The following ZNF680 variants were observed in gnomAD, a reference collection of about 807,000 sequenced individuals.
ZNF680 encodes zinc finger protein 680.
In ZNF680, 6 loss-of-function variants were observed where a neutral mutation model predicts 12.1. That is an observed-to-expected ratio of 0.49 (90% CI 0.27 to 0.98). ZNF680 has a LOEUF of 0.98. ZNF680 is among the 50% of genes least tolerant of loss of function. ZNF680 has a pLI of 0.12. For missense variants in ZNF680, 561 were observed against 616.3 expected (o/e 0.91, Z 0.95); for synonymous variants, 170 against 199.3 (o/e 0.85, Z 1.24).
chr7:64,545,981 T>G (rs969117155), intron 1 of ZNF680, among the ~76,000 whole-genome samples: 3 of 152,194 alleles, frequency 2.0e-5, no homozygotes. Context: ...GAATTCTGCA[T>G]GGCACATAAG....
chr7:64,557,571 A>C (rs146196330), intron 1 of ZNF680, among the ~76,000 whole-genome samples: 5 of 10,402 alleles, frequency 4.8e-4, no homozygotes, highest in African/African-American at 3.5e-3. Flanking sequence ...ACAAAAAAAC[A>C]AAAAAAAACA....
In ZNF680 at chr7:64,521,805, T is replaced by C. The variant is rs747042963; in HGVS notation, c.949A>G (p.Thr317Ala). Reference protein sequence around the residue: ...ATLTNHKRIHTGEKPFKCEEC... With the variant: ...ATLTNHKRIHAGEKPFKCEEC... ...TCACATTTGAAGGGTTTCTCTCCAG[T>C]ATGAATTCTCTTATGGTTAGTAAGG... The change falls in exon 4 of 4, where the codon ACT becomes GCT. Residue 317 changes from threonine (T) to alanine (A), a missense_variant. Thr to Ala is a moderately conservative substitution (Grantham distance 58). Coordinates refer to ENST00000309683, the MANE Select transcript of ZNF680 (RefSeq NM_178558.5). 1 of 1,613,420 alleles carries C rather than the reference T, an allele frequency of 6.2e-7. No homozygotes were observed. Among genetic ancestry groups the C allele is most frequent in the South Asian group, 1.1e-5 (1 of 91,054 alleles).
chr7:64,533,198 T>A (rs1158260642), intron 3 of ZNF680, among the ~76,000 whole-genome samples: 4 of 152,130 alleles, frequency 2.6e-5, no homozygotes, highest in Non-Finnish European at 2.9e-5. Context: ...ATAAAGGGCA[T>A]CCAAATCAGT....
At chr7:64,549,131 A>G (rs982324191) in intron 1 of ZNF680, among the ~76,000 whole-genome samples, 13 of 152,044 alleles carry the variant, frequency 8.6e-5, no homozygotes, top group South Asian at 2.1e-4. Context: ...AAAAAAGAAA[A>G]AAAAAAAAAA....
the ZNF680 span, among the ~76,000 whole-genome samples, chr7:64,504,657 A>G: frequency 6.6e-6 from 1 of 152,218 alleles, no homozygotes; most frequent in Non-Finnish European, 1.5e-5. Context: ...CCCAGTATTC[A>G]CCCTGAGTCA....
intron 3 of ZNF680, among the ~76,000 whole-genome samples, chr7:64,538,477 T>C (rs994445138): frequency 6.6e-6 from 1 of 151,430 alleles, no homozygotes; most frequent in Non-Finnish European, 1.5e-5. Context: ...TTTCATCAAA[T>C]TGATACAAAT....
At chr7:64,525,556 T>C (rs990801643) in intron 3 of ZNF680, 3 of 189,826 alleles carry the variant, frequency 1.6e-5, no homozygotes, top group African/African-American at 2.4e-5. Context: ...AAATTCATAG[T>C]TTTTTAATGG....
intron 3 of ZNF680, among the ~76,000 whole-genome samples, chr7:64,538,000 A>C (rs544462433): frequency 1.3e-5 from 2 of 152,290 alleles, no homozygotes; most frequent in South Asian, 4.1e-4. Flanking sequence ...TGTATGATCA[A>C]ATGATCTTTC....
the ZNF680 span, chr7:64,501,467 A>G: frequency 1.1e-6 from 1 of 890,268 alleles, no homozygotes; most frequent in South Asian, 1.3e-5. Flanking sequence ...AACCTGGAAA[A>G]ATTTAAAAGG....
chr7:64,505,560 T>C, the ZNF680 span, among the ~76,000 whole-genome samples: 1 of 152,170 alleles, frequency 6.6e-6, no homozygotes, highest in Non-Finnish European at 1.5e-5. Flanking sequence ...GATTTAATTA[T>C]AGTAAGAATG....
At chr7:64,559,474 GT>G (rs11299637) in intron 1 of ZNF680, among the ~76,000 whole-genome samples, 33,776 of 146,184 alleles carry the variant, frequency 0.23, 3,928 homozygotes, top group South Asian at 0.29. Flanking sequence ...GTTTGTTTAG[GT>G]TTTTTTTTTT....
chr7:64,524,218 G>A (rs1791710001), intron 3 of ZNF680, among the ~76,000 whole-genome samples: 1 of 149,778 alleles, frequency 6.7e-6, no homozygotes, highest in African/African-American at 2.5e-5. Flanking sequence ...TGAGATGTCA[G>A]CTCACTGCAA....
At chr7:64,506,759 T>A in the ZNF680 span, among the ~76,000 whole-genome samples, 1 of 152,236 alleles carries the variant, frequency 6.6e-6, no homozygotes, top group East Asian at 1.9e-4. Context: ...TCAAGAGTGT[T>A]ACCTCTGTGC....
chr7:64,512,813 T>TA, the ZNF680 span, among the ~76,000 whole-genome samples: 1 of 152,232 alleles, frequency 6.6e-6, no homozygotes, highest in East Asian at 1.9e-4. Context: ...AATGTCTATT[T>TA]AAAAAAGCTC....
At chr7:64,501,039 C>A in the ZNF680 span, 2 of 724,886 alleles carry the variant, frequency 2.8e-6, no homozygotes, top group African/African-American at 1.7e-5. Flanking sequence ...GAGAGAAGGG[C>A]AGAATAATTG....
intron 3 of ZNF680, among the ~76,000 whole-genome samples, chr7:64,537,364 C>T (rs2116456818): frequency 6.6e-6 from 1 of 152,162 alleles, no homozygotes; most frequent in Middle Eastern, 3.4e-3. Context: ...TACTCTTTGA[C>T]ATAGTTTTGC....
At chr7:64,510,080 C>A in the ZNF680 span, among the ~76,000 whole-genome samples, 1 of 141,200 alleles carries the variant, frequency 7.1e-6, no homozygotes, top group East Asian at 2.2e-4. Context: ...AGCCATCTTA[C>A]AAATTGGAGA....
At position 64,563,031 on chromosome 7, in the gene ZNF680, C is replaced by A. The variant is rs541233331; in HGVS notation, c.-77G>T. 3 of 1,557,394 alleles carry A rather than the reference C, an allele frequency of 1.9e-6. No individual in the cohort carries two copies. The highest frequency in any genetic ancestry group is 2.2e-5 in the South Asian group (2 of 89,954). Reference sequence around the variant, plus strand: ...GCCTCTAGGAGCAGAATACACAGAGCAGTAAAGACTAGACCTGGAGCTCCC... The same window carrying A: ...GCCTCTAGGAGCAGAATACACAGAGAAGTAAAGACTAGACCTGGAGCTCCC... On this transcript the variant is annotated 5_prime_UTR_variant, in exon 1 of 4. Coordinates refer to ENST00000309683, the MANE Select transcript of ZNF680 (RefSeq NM_178558.5).
At chr7:64,525,709 TA>T in intron 3 of ZNF680, 1 of 826,604 alleles carries the variant, frequency 1.2e-6, no homozygotes, top group Non-Finnish European at 1.5e-6. Flanking sequence ...TAGACATACC[TA>T]AAAGAGATTA....
Sources: gnomAD v4.1 joint callset for allele counts (sites outside exome capture counted in the v4.1 genomes callset) on GRCh38, gnomAD v4.1.1 for gene constraint, MANE v1.5 for transcripts, NCBI Gene and HGNC (gene_info 2026-07-23, HGNC 2026-07-21) for gene names.